Variants in SH3GL2 observed in about 807,000 individuals in gnomAD.
SH3GL2 encodes SH3 domain containing GRB2 like 2, endophilin A1.
Under a neutral mutation model 46.0 loss-of-function variants are expected in SH3GL2, and 24 were observed. The observed-to-expected ratio is 0.52, with a 90% CI of 0.38 to 0.73. The LOEUF is 0.73. Among genes scored for constraint, SH3GL2 ranks in the 30% least tolerant of loss-of-function variants. SH3GL2 has a pLI of 0.00. For synonymous variants in SH3GL2, 196 were observed against 147.1 expected, an observed-to-expected ratio of 1.33 and a Z score of -2.40; for missense variants, 413 against 424.2, an observed-to-expected ratio of 0.97 and a Z score of 0.23.
intron 3 of SH3GL2, among the ~76,000 whole-genome samples, chr9:17,775,931 T>C (rs1173813551): frequency 6.6e-6 from 1 of 152,188 alleles, no homozygotes; most frequent in African/African-American, 2.4e-5. Flanking sequence ...CCTGTCATTA[T>C]GTTTTTATGT....
At chr9:17,764,176 G>C (rs1178747208) in intron 3 of SH3GL2, among the ~76,000 whole-genome samples, 1 of 152,188 alleles carries the variant, frequency 6.6e-6, no homozygotes, top group Non-Finnish European at 1.5e-5. Context: ...AAACAGTTAT[G>C]TATGGGCAGG....
At chr9:17,658,174 A>G (rs758725737) in intron 1 of SH3GL2, among the ~76,000 whole-genome samples, 5 of 152,196 alleles carry the variant, frequency 3.3e-5, no homozygotes, top group Non-Finnish European at 7.4e-5. Context: ...AGTGATTAAG[A>G]TGCTGCCTTT....
intron 1 of SH3GL2, among the ~76,000 whole-genome samples, chr9:17,691,896 G>A (rs946165316): frequency 3.9e-5 from 6 of 152,042 alleles, no homozygotes; most frequent in African/African-American, 1.2e-4. Context: ...GATGTTCTTT[G>A]AGAGTACATA....
At chr9:17,686,610 T>C (rs973816927) in intron 1 of SH3GL2, among the ~76,000 whole-genome samples, 1 of 141,588 alleles carries the variant, frequency 7.1e-6, no homozygotes, top group Non-Finnish European at 1.5e-5. Flanking sequence ...TATGCAGCCA[T>C]AAAAAATGAT....
intron 1 of SH3GL2, among the ~76,000 whole-genome samples, chr9:17,652,892 T>C (rs1819988475): frequency 6.6e-6 from 1 of 152,206 alleles, no homozygotes; most frequent in African/African-American, 2.4e-5. Flanking sequence ...CAGGTACATA[T>C]ACCTCTGTGA....
intron 8 of SH3GL2, among the ~76,000 whole-genome samples, chr9:17,794,403 C>T (rs910045497): frequency 4.6e-5 from 7 of 152,192 alleles, no homozygotes; most frequent in Admixed American, 2.0e-4. Flanking sequence ...AGGTCTGAGC[C>T]GGCAGGTGGT....
chr9:17,690,276 AT>A (rs946798287), intron 1 of SH3GL2, among the ~76,000 whole-genome samples: 1 of 152,122 alleles, frequency 6.6e-6, no homozygotes, highest in Admixed American at 6.6e-5. Flanking sequence ...CTTTTACTGC[AT>A]TCAGCATTCC....
chr9:17,612,878 A>G (rs933913488), intron 1 of SH3GL2, among the ~76,000 whole-genome samples: 23 of 152,118 alleles, frequency 1.5e-4, no homozygotes, highest in African/African-American at 5.1e-4. Flanking sequence ...ATTATCACTA[A>G]TGTACTTCTG....
At chr9:17,743,592 A>ACG (rs1822594506) in intron 1 of SH3GL2, among the ~76,000 whole-genome samples, 3 of 151,434 alleles carry the variant, frequency 2.0e-5, no homozygotes, top group African/African-American at 7.3e-5. Context: ...ACACACACAC[A>ACG]CACACACACC....
chr9:17,700,652 C>G (rs4461996), intron 1 of SH3GL2, among the ~76,000 whole-genome samples: 2,214 of 152,168 alleles, frequency 0.015, 62 homozygotes, highest in African/African-American at 0.05. Flanking sequence ...AGAAATGTTT[C>G]TCTATTCTGT....
At chr9:17,593,769 T>G (rs893468260) in intron 1 of SH3GL2, among the ~76,000 whole-genome samples, 1 of 152,192 alleles carries the variant, frequency 6.6e-6, no homozygotes, top group Non-Finnish European at 1.5e-5. Flanking sequence ...ACATGTTCTT[T>G]AAGAGAAGCT....
chr9:17,661,037 C>T (rs1820199482), intron 1 of SH3GL2, among the ~76,000 whole-genome samples: 1 of 152,044 alleles, frequency 6.6e-6, no homozygotes, highest in Non-Finnish European at 1.5e-5. Context: ...TGGCAGGCAC[C>T]TGTAATTCCA....
intron 1 of SH3GL2, among the ~76,000 whole-genome samples, chr9:17,616,494 G>A (rs1259305887): frequency 7.2e-5 from 11 of 152,082 alleles, no homozygotes; most frequent in Admixed American, 7.2e-4. Flanking sequence ...TTTTTGTGGG[G>A]TAGTATTTTT....
chr9:17,675,707 G>C (rs910007943), intron 1 of SH3GL2, among the ~76,000 whole-genome samples: 3 of 152,252 alleles, frequency 2.0e-5, no homozygotes, highest in African/African-American at 4.8e-5. Flanking sequence ...AGCACTCTGA[G>C]AGGCCGAGGC....
intron 1 of SH3GL2, among the ~76,000 whole-genome samples, chr9:17,602,874 C>G (rs1370769919): frequency 6.6e-6 from 1 of 152,184 alleles, no homozygotes; most frequent in African/African-American, 2.4e-5. Context: ...GATGTGCTAT[C>G]AAGAAAAATC....
chr9:17,637,952 C>G (rs375072960), intron 1 of SH3GL2, among the ~76,000 whole-genome samples: 45 of 151,994 alleles, frequency 3.0e-4, no homozygotes, highest in African/African-American at 9.7e-4. Flanking sequence ...GTCAGGAGAT[C>G]GAGACCATCC....
intron 1 of SH3GL2, among the ~76,000 whole-genome samples, chr9:17,706,135 T>A (rs1207522789): frequency 1.3e-5 from 2 of 152,044 alleles, no homozygotes; most frequent in South Asian, 2.1e-4. Flanking sequence ...AAACTTAGAT[T>A]TGAGTCATTT....
chr9:17,666,578 G>GTGTGTA lies in SH3GL2; in HGVS notation c.46-80487_46-80486insGTGTAT, dbSNP rs144961549. 5.2e-3 allele frequency among the ~76,000 whole-genome samples: 773 copies of GTGTGTA among 148,228 alleles called. 8 individuals are homozygous for GTGTGTA. Among genetic ancestry groups the GTGTGTA allele is most frequent in the African/African-American group, 0.016 (627 of 40,108 alleles). On this transcript the variant is annotated intron_variant, in intron 1 of 8. Transcript: ENST00000380607. ...TGTGTGTGTGTGTGTGTGTGTGTGT[G>GTGTGTA]TATATACATTAAGTTTGCTTTTTTC...
rs1563833753 is a variant in SH3GL2, at chr9:17,738,569, T to TATACATATGTGTGTGTATATACATAC, written c.46-8494_46-8493insCATATGTGTGTGTATATACATACATA. Among the ~76,000 whole-genome samples the TATACATATGTGTGTGTATATACATAC allele has an allele frequency of 1.0e-4, 9 of 88,084 alleles. No homozygotes were observed. The South Asian group carries it at 3.0e-3, about 29-fold the overall frequency. The allele number at this position is 88,084 out of a possible 152,430, so 57.8% of individuals were successfully genotyped here. A position where few individuals can be genotyped will look rare whatever the true frequency, so the allele number is the denominator to read the frequency against. ...AAGTGTGTGTGTATATACATACATA[T>TATACATATGTGTGTGTATATACATAC]ATATATAGAGAGAGAGAGAGAGAGA... is the stretch of plus-strand genomic sequence containing the variant. On this transcript the variant is annotated intron_variant, in intron 1 of 8. Coordinates refer to ENST00000380607, the MANE Select transcript of SH3GL2 (RefSeq NM_003026.5).
Sources: gnomAD v4.1 joint callset for allele counts (sites outside exome capture counted in the v4.1 genomes callset) on GRCh38, gnomAD v4.1.1 for gene constraint, MANE v1.5 for transcripts, NCBI Gene and HGNC (gene_info 2026-07-23, HGNC 2026-07-21) for gene names.